Variants in EPHB1 observed in about 807,000 individuals in gnomAD.
EPHB1 encodes the protein ephrin type-B receptor 1.
EPHB1 carries 30 observed loss-of-function variants against 94.4 expected under a neutral mutation model. That is an observed-to-expected ratio of 0.32 (90% confidence interval 0.24 to 0.43). The LOEUF (loss-of-function observed/expected upper bound fraction) is 0.43, where lower values mean the gene tolerates loss of function less well. Ranked by LOEUF, EPHB1 falls within the 20% of genes least tolerant of loss-of-function variation. The pLI is 1.00. For synonymous variants in EPHB1, 522 were observed against 489.1 expected, an observed-to-expected ratio of 1.07 and a Z score of -0.89; for missense variants, 1,055 against 1,308.3, an observed-to-expected ratio of 0.81 and a Z score of 2.99.
chr3:135,111,896 T>C (rs1017267078), intron 4 of EPHB1, among the ~76,000 whole-genome samples: 1 of 152,196 alleles, frequency 6.6e-6, no homozygotes, highest in African/African-American at 2.4e-5. Context: ...GTCAGGCTGG[T>C]CTCGAACTCC....
chr3:135,077,217 GTC>G (rs1200163914), intron 3 of EPHB1, among the ~76,000 whole-genome samples: 1 of 152,224 alleles, frequency 6.6e-6, no homozygotes, highest in Admixed American at 6.5e-5. Context: ...CGTGGGACAA[GTC>G]TCAGCCTCCA....
chr3:134,922,575 G>C (rs935024321), intron 1 of EPHB1, among the ~76,000 whole-genome samples: 5 of 152,192 alleles, frequency 3.3e-5, no homozygotes, highest in African/African-American at 9.7e-5. Context: ...ATGAGTCCTT[G>C]GACGACAAAG....
intron 2 of EPHB1, 28 bp downstream of exon 2, chr3:134,925,908 TC>T (rs113693427): frequency 1.3e-6 from 2 of 1,578,556 alleles, no homozygotes; most frequent in African/African-American, 2.7e-5. Context: ...CGTCTTTCAG[TC>T]CTGCTATGAG....
chr3:134,842,557 G>C (rs1455784078), intron 1 of EPHB1, among the ~76,000 whole-genome samples: 1 of 152,132 alleles, frequency 6.6e-6, no homozygotes, highest in Non-Finnish European at 1.5e-5. Context: ...ATCCCTCTAA[G>C]TTCCCTTTAA....
At chr3:134,851,687 A>C (rs1355068075) in intron 1 of EPHB1, among the ~76,000 whole-genome samples, 2 of 152,180 alleles carry the variant, frequency 1.3e-5, no homozygotes, top group African/African-American at 4.8e-5. Context: ...CTGCCTGACA[A>C]AGGAGAGTTT....
intron 3 of EPHB1, among the ~76,000 whole-genome samples, chr3:135,028,317 A>T (rs1936273675): frequency 7.0e-6 from 1 of 143,682 alleles, no homozygotes; most frequent in South Asian, 2.2e-4. Context: ...TTGTGATGTT[A>T]GGGTGTCAAT....
chr3:135,015,051 C>G (rs1576317768), intron 3 of EPHB1, among the ~76,000 whole-genome samples: 1 of 152,178 alleles, frequency 6.6e-6, no homozygotes, highest in East Asian at 1.9e-4. Context: ...TAGAAACTCC[C>G]GTGTATGGCA....
chr3:134,820,256 C>G (rs1394081985), intron 1 of EPHB1, among the ~76,000 whole-genome samples: 2 of 152,226 alleles, frequency 1.3e-5, no homozygotes, highest in Non-Finnish European at 2.9e-5. Context: ...ATGGAGGGAG[C>G]CTCCATGTCT....
chr3:135,227,903 T>C (rs994293545), intron 12 of EPHB1, among the ~76,000 whole-genome samples: 1 of 152,154 alleles, frequency 6.6e-6, no homozygotes, highest in African/African-American at 2.4e-5. Context: ...CTGTAAAATA[T>C]TTTTTCTGAA....
At chr3:135,178,391 G>A (rs1204014972) in intron 9 of EPHB1, among the ~76,000 whole-genome samples, 1 of 147,796 alleles carries the variant, frequency 6.8e-6, no homozygotes, top group African/African-American at 2.5e-5. Context: ...AGGAGGTGAA[G>A]GTTGCAGTGA....
intron 3 of EPHB1, among the ~76,000 whole-genome samples, chr3:135,046,570 G>A (rs999814087): frequency 1.3e-5 from 2 of 152,298 alleles, no homozygotes; most frequent in South Asian, 4.1e-4. Flanking sequence ...ACCCCTTGGT[G>A]TCTGTGTGTT....
chr3:135,156,356 G>C (rs770724645), intron 6 of EPHB1, among the ~76,000 whole-genome samples: 7 of 152,256 alleles, frequency 4.6e-5, no homozygotes, highest in African/African-American at 1.7e-4. Context: ...GAAATAAGGA[G>C]AGGAACAGAA....
At chr3:134,873,078 A>C (rs534083042) in intron 1 of EPHB1, among the ~76,000 whole-genome samples, 1 of 152,176 alleles carries the variant, frequency 6.6e-6, no homozygotes, top group East Asian at 1.9e-4. Context: ...CTCAGCATAG[A>C]CTCTTAAACT....
At chr3:135,140,605 T>C (rs1299492010) in intron 5 of EPHB1, among the ~76,000 whole-genome samples, 1 of 152,182 alleles carries the variant, frequency 6.6e-6, no homozygotes, top group Non-Finnish European at 1.5e-5. Context: ...CCTTACATTC[T>C]CCCAGATGTT....
chr3:135,256,507 G>T (rs1000323773), intron 15 of EPHB1, among the ~76,000 whole-genome samples: 1 of 152,060 alleles, frequency 6.6e-6, no homozygotes, highest in Non-Finnish European at 1.5e-5. Context: ...TGAAATTCTG[G>T]GTTGAAAATT....
intron 3 of EPHB1, among the ~76,000 whole-genome samples, chr3:134,973,118 G>A (rs1304094402): frequency 6.6e-6 from 1 of 152,212 alleles, no homozygotes; most frequent in African/African-American, 2.4e-5. Flanking sequence ...CCTTTCTTGG[G>A]TGTGGGGAAT....
intron 1 of EPHB1, among the ~76,000 whole-genome samples, chr3:134,884,204 T>G (rs2037816346): frequency 6.6e-6 from 1 of 152,180 alleles, no homozygotes; most frequent in East Asian, 1.9e-4. Flanking sequence ...CTGAGTCCCA[T>G]GTGCTAAGGC....
At position 135,201,386 on chromosome 3, in the gene EPHB1, C is replaced by G. The variant is rs1165951026; in HGVS notation, c.2131-88C>G. 3 of 1,368,060 alleles carry G rather than the reference C, an allele frequency of 2.2e-6. No homozygotes were observed. The Admixed American group carries it at 5.1e-5, about 23-fold the overall frequency. 84.7% of individuals were successfully genotyped at this position (1,368,060 alleles called of 1,614,324 possible). A position where few individuals can be genotyped will look rare whatever the true frequency, so the allele number is the denominator to read the frequency against. ...TGGCTTGGCCTGGAGCAGACAGAAG[C>G]TGACAAGCAGCAGGGCCACAACATC... On this transcript the variant is annotated intron_variant, in intron 11 of 15. Transcript: ENST00000398015.
intron 9 of EPHB1, among the ~76,000 whole-genome samples, chr3:135,178,224 A>AAGG (rs1553744896): frequency 7.2e-6 from 1 of 139,422 alleles, no homozygotes. Flanking sequence ...GAGGCCGGGG[A>AAGG]GGGGGGGTGG....
Sources: allele counts gnomAD v4.1 joint callset (sites outside exome capture counted in the v4.1 genomes callset), GRCh38; gene constraint gnomAD v4.1.1; transcripts MANE v1.5; gene names NCBI Gene and HGNC (gene_info 2026-07-23, HGNC 2026-07-21).